CYP2J2: variants seen among roughly 807,000 people sequenced by gnomAD.
The protein encoded by CYP2J2 is cytochrome P450 2J2.
A neutral mutation model predicts 48.8 loss-of-function variants in CYP2J2; 41 were observed. The ratio of observed to expected loss-of-function variants is 0.84; its 90% CI spans 0.66 to 1.09. CYP2J2 has a LOEUF of 1.09. CYP2J2 is among the 50% of genes least tolerant of loss of function. CYP2J2 has a pLI of 0.00. For missense variants in CYP2J2, 644 were observed against 617.3 expected (o/e 1.04, Z -0.46); for synonymous variants, 221 against 227.1 (o/e 0.97, Z 0.24).
intron 7 of CYP2J2, 26 bp from the exon 8 acceptor site, chr1:59,901,129 C>A (rs555256371): frequency 6.2e-7 from 1 of 1,608,946 alleles, no homozygotes; most frequent in Non-Finnish European, 8.5e-7. Flanking sequence ...GAGACTCAGG[C>A]AAGGCTTGAC....
chr1:59,905,421 CA>C (rs1157258130), intron 6 of CYP2J2, among the ~76,000 whole-genome samples: 1 of 152,214 alleles, frequency 6.6e-6, no homozygotes, highest in East Asian at 1.9e-4. Flanking sequence ...TCTTTTATAA[CA>C]GTACTACTCC....
the CYP2J2 span, among the ~76,000 whole-genome samples, chr1:59,967,803 G>T: frequency 6.6e-6 from 1 of 152,188 alleles, no homozygotes; most frequent in Admixed American, 6.5e-5. Flanking sequence ...TGAAATACTG[G>T]CCTTTTAAAT....
chr1:59,905,311 C>T (rs1245203780), intron 6 of CYP2J2, among the ~76,000 whole-genome samples: 3 of 152,140 alleles, frequency 2.0e-5, no homozygotes, highest in East Asian at 1.9e-4. Context: ...CAGACCCCAG[C>T]GGACTTGGTG....
At chr1:59,915,233 G>A (rs1011821788) in intron 2 of CYP2J2, among the ~76,000 whole-genome samples, 1 of 152,112 alleles carries the variant, frequency 6.6e-6, no homozygotes, top group Non-Finnish European at 1.5e-5. Context: ...GCAGGTCCTT[G>A]GTATGCTGAG....
At chr1:59,905,922 C>T (rs932220455) in intron 6 of CYP2J2, among the ~76,000 whole-genome samples, 9 of 152,176 alleles carry the variant, frequency 5.9e-5, no homozygotes, top group African/African-American at 1.2e-4. Flanking sequence ...ATATTTTCCT[C>T]ACGCTTGTAA....
At chr1:59,952,087 T>TC in the CYP2J2 span, among the ~76,000 whole-genome samples, 392 of 152,206 alleles carry the variant, frequency 2.6e-3, 1 homozygote, top group Middle Eastern at 0.01. Flanking sequence ...CCCACCCTGG[T>TC]CCCAAATGAG....
intron 1 of CYP2J2, among the ~76,000 whole-genome samples, chr1:59,922,746 AG>A (rs1644529222): frequency 6.6e-6 from 1 of 152,238 alleles, no homozygotes; most frequent in Non-Finnish European, 1.5e-5. Context: ...AATATCTTTA[AG>A]AAAAGTCTAC....
the CYP2J2 span, among the ~76,000 whole-genome samples, chr1:59,948,682 G>A: frequency 2.6e-5 from 4 of 152,284 alleles, no homozygotes; most frequent in African/African-American, 9.6e-5. Context: ...GCAATTGGAT[G>A]CATTTGATTA....
At chr1:59,933,069 G>C in the CYP2J2 span, among the ~76,000 whole-genome samples, 1 of 152,256 alleles carries the variant, frequency 6.6e-6, no homozygotes, top group African/African-American at 2.4e-5. Flanking sequence ...AATGAATGAT[G>C]CAATGTTACA....
At chr1:59,923,758 C>G (rs1644538033) in intron 1 of CYP2J2, among the ~76,000 whole-genome samples, 1 of 152,012 alleles carries the variant, frequency 6.6e-6, no homozygotes, top group Non-Finnish European at 1.5e-5. Flanking sequence ...CTAAACAACA[C>G]AGAGAAACTA....
chr1:59,916,172 G>T, intron 1 of CYP2J2, 72 bp from the exon 2 acceptor site: 2 of 1,327,556 alleles, frequency 1.5e-6, no homozygotes, highest in Non-Finnish European at 1.1e-6. Flanking sequence ...GATGTGTGTA[G>T]CTGGAGGGGA....
At chr1:59,963,003 A>G in the CYP2J2 span, among the ~76,000 whole-genome samples, 3 of 152,218 alleles carry the variant, frequency 2.0e-5, no homozygotes, top group Non-Finnish European at 4.4e-5. Flanking sequence ...ATGTATTATA[A>G]AAGTATTATG....
chr1:59,936,379 T>A, the CYP2J2 span, among the ~76,000 whole-genome samples: 2 of 152,148 alleles, frequency 1.3e-5, no homozygotes, highest in African/African-American at 4.8e-5. Context: ...GCGTCACACG[T>A]GAACACCTCT....
At chr1:59,898,493 T>C (rs946537524) in intron 8 of CYP2J2, among the ~76,000 whole-genome samples, 3 of 152,244 alleles carry the variant, frequency 2.0e-5, no homozygotes, top group Admixed American at 6.5e-5. Flanking sequence ...GCCACATATC[T>C]GACTTATAGA....
chr1:59,900,977 G>A lies in CYP2J2; in HGVS notation c.1318C>T (p.Pro440Ser), dbSNP rs1644314013. The change falls in exon 8 of 9, where the codon CCT becomes TCT. Residue 440 changes from proline (P) to serine (S), a missense_variant. Pro to Ser is a moderately conservative substitution (Grantham distance 74). Coordinates refer to ENST00000371204, the MANE Select transcript of CYP2J2 (RefSeq NM_000775.4). ...TACTACAACTTACCTATTGAGAAAGGCATAAAGGCTTCCCTTTTCTTAAAC... is the reference window on the plus strand; with the variant it reads ...TACTACAACTTACCTATTGAGAAAGACATAAAGGCTTCCCTTTTCTTAAAC... ...GQFKKREAFM[P>S]FSIGKRACLG... is the part of the protein sequence containing the mutation. 1 of 1,614,108 alleles carries A rather than the reference G, an allele frequency of 6.2e-7. No individual in the cohort carries two copies. The highest frequency in any genetic ancestry group is 8.5e-7 in the Non-Finnish European group (1 of 1,179,970).
intron 2 of CYP2J2, 41 bp from the exon 3 acceptor site, chr1:59,912,352 T>A: frequency 6.4e-7 from 1 of 1,570,630 alleles, no homozygotes; most frequent in Non-Finnish European, 8.7e-7. Context: ...TCTGATTCCA[T>A]AATATGAATA....
the CYP2J2 span, among the ~76,000 whole-genome samples, chr1:59,957,274 A>G: frequency 5.9e-5 from 9 of 152,206 alleles, no homozygotes; most frequent in African/African-American, 2.2e-4. Context: ...ATGGCAGCAA[A>G]AAGAAATTCC....
chr1:59,894,897 AT>A (rs1362883768), intron 8 of CYP2J2, among the ~76,000 whole-genome samples: 1 of 152,204 alleles, frequency 6.6e-6, no homozygotes, highest in Non-Finnish European at 1.5e-5. Context: ...AGCTTTCTGT[AT>A]ATTACAATTC....
the CYP2J2 span, among the ~76,000 whole-genome samples, chr1:59,950,419 G>A: frequency 1.2e-4 from 19 of 152,180 alleles, no homozygotes; most frequent in South Asian, 1.0e-3. Context: ...GCCCATTTCA[G>A]ATCCTCAGGC....
Sources: gnomAD v4.1 joint callset for allele counts (sites outside exome capture counted in the v4.1 genomes callset) on GRCh38, gnomAD v4.1.1 for gene constraint, MANE v1.5 for transcripts, NCBI Gene and HGNC (gene_info 2026-07-23, HGNC 2026-07-21) for gene names.